Variants in COL6A2 observed in about 807,000 individuals in gnomAD.
COL6A2 encodes collagen type VI alpha 2 chain.
Under a neutral mutation model 124.9 loss-of-function variants are expected in COL6A2, and 90 were observed. The observed-to-expected ratio is 0.72, with a 90% CI of 0.61 to 0.86. The LOEUF is 0.86. COL6A2 is among the 40% of genes least tolerant of loss of function. The pLI is 0.00. For missense variants in COL6A2, 1,607 were observed against 1,502.5 expected (o/e 1.07, Z -1.15); for synonymous variants, 793 against 618.2 (o/e 1.28, Z -4.19).
intron 1 of COL6A2, among the ~76,000 whole-genome samples, chr21:46,110,030 C>G (rs1281486170): frequency 1.3e-5 from 2 of 152,344 alleles, no homozygotes; most frequent in African/African-American, 4.8e-5. Context: ...ATCCCCGGCT[C>G]CTGCTGGCTC....
Position 46,122,095 on chromosome 21 carries a change from C to T in COL6A2, c.1522-13C>T, listed in dbSNP as rs748486633. On this transcript the variant is annotated splice_polypyrimidine_tract_variant and intron_variant, in intron 18 of 27. Coordinates refer to ENST00000300527, the MANE Select transcript of COL6A2 (RefSeq NM_001849.4). ...CCTATGACCATGCTGACCGACTCAA[C>T]GTCCTCCTCCAGGGAGACCCCGGCA... 15 of 1,612,478 alleles carry T rather than the reference C, an allele frequency of 9.3e-6. No individual in the cohort carries two copies. The highest frequency in any genetic ancestry group is 6.7e-5 in the East Asian group (3 of 44,874).
intron 5 of COL6A2, among the ~76,000 whole-genome samples, chr21:46,114,277 T>G (rs1369607949): frequency 6.6e-6 from 1 of 151,884 alleles, no homozygotes; most frequent in Non-Finnish European, 1.5e-5. Context: ...ATACAAAAAT[T>G]AGCCGGGCGT....
intron 27 of COL6A2, chr21:46,129,657 C>T: frequency 1.4e-6 from 2 of 1,423,682 alleles, no homozygotes; most frequent in Non-Finnish European, 1.8e-6. Context: ...TCTTCCCATG[C>T]TGGTGGCCAC....
In COL6A2 at chr21:46,126,116, C is replaced by T. The variant is rs138371054; in HGVS notation, c.2301C>T (p.His767=). ...TCGGGGACATGTTCCACGAGAAGCA[C>T]GAGAGTGAAAACCTCTACTCCATCG... ...IGIGDMFHEK[H]ESENLYSIAC... is the part of the protein sequence containing the mutation. Residue 767 remains histidine (H), a synonymous_variant, in exon 26 of 28, where the codon CAC becomes CAT. Transcript: ENST00000300527. 121 of 1,612,512 alleles carry T rather than the reference C, an allele frequency of 7.5e-5. No individual in the cohort carries two copies. In the African/African-American group the frequency reaches 1.1e-3, roughly 15 times the overall value.
chr21:46,101,751 C>T (rs2078289079), intron 1 of COL6A2, among the ~76,000 whole-genome samples: 1 of 149,886 alleles, frequency 6.7e-6, no homozygotes, highest in South Asian at 2.1e-4. Context: ...GTATGTCTGT[C>T]TTTATGCCAG....
chr21:46,124,355 G>A (rs1236064016), intron 21 of COL6A2, among the ~76,000 whole-genome samples: 1 of 152,150 alleles, frequency 6.6e-6, no homozygotes, highest in Non-Finnish European at 1.5e-5. Context: ...TGATAATGGG[G>A]TGGAATACCC....
rs747625289 is a variant in COL6A2 at position 46,112,517 on chromosome 21, C to T, written c.654C>T (p.Thr218=). Residue 218 remains threonine (T), a synonymous_variant, in exon 3 of 28, where the codon ACC becomes ACT. Coordinates refer to ENST00000300527, the MANE Select transcript of COL6A2 (RefSeq NM_001849.4). Reference sequence around the variant, plus strand: ...AGCTCTACCGCAACGACTACGCCACCATGCTGCCCGACTCCACCGAGATCG... The same window carrying T: ...AGCTCTACCGCAACGACTACGCCACTATGCTGCCCGACTCCACCGAGATCG... The part of the protein sequence containing the change: ...PHELYRNDYA[T]MLPDSTEIDQ... 4 of 1,608,154 alleles carry T rather than the reference C, an allele frequency of 2.5e-6. No homozygotes were observed. The highest frequency in any genetic ancestry group is 1.3e-5 in the African/African-American group (1 of 74,342).
intron 10 of COL6A2, 103 bp from the exon 11 acceptor site, chr21:46,117,297 T>C: frequency 8.4e-7 from 1 of 1,192,222 alleles, no homozygotes; most frequent in Non-Finnish European, 1.2e-6. Context: ...AGGAGAGCGC[T>C]GCAGCCCTGC....
chr21:46,099,025 C>G (rs2123584244), intron 1 of COL6A2: 1 of 152,486 alleles, frequency 6.6e-6, no homozygotes, highest in South Asian at 2.1e-4. Flanking sequence ...CTAGGACGCC[C>G]CTGGAGAAGG....
At chr21:46,120,832 C>G (rs1386038075) in intron 16 of COL6A2, among the ~76,000 whole-genome samples, 1 of 152,104 alleles carries the variant, frequency 6.6e-6, no homozygotes, top group African/African-American at 2.4e-5. Flanking sequence ...GGGCTGCAAC[C>G]CAAGATAGGG....
intron 15 of COL6A2, 116 bp from the exon 16 acceptor site, chr21:46,120,399 C>T (rs891923773): frequency 1.4e-4 from 106 of 773,754 alleles, no homozygotes; most frequent in Middle Eastern, 3.7e-4. Context: ...CCGGGACAGA[C>T]GGGGTTCTTC....
At position 46,116,108 on chromosome 21, in the gene COL6A2, G is replaced by T; in HGVS notation, c.900+55G>T. 1.3e-6 allele frequency: 2 copies of T among 1,530,318 alleles called. No homozygotes were observed. The highest frequency in any genetic ancestry group is 1.8e-6 in the Non-Finnish European group (2 of 1,128,670). 94.8% of individuals were successfully genotyped at this position (1,530,318 alleles called of 1,614,324 possible). ...CACCCTGAGGCCCCAGCACTGCCAG[G>T]CAGGCTCCCCCCAGCCCAGCCTCGG... On this transcript the variant is annotated intron_variant, in intron 7 of 27. Transcript: ENST00000300527. This position sits in a 1 kb window ranked among gnomAD's most constrained non-coding sequence, Gnocchi z 4.6.
intron 21 of COL6A2, among the ~76,000 whole-genome samples, chr21:46,123,929 G>T (rs932438343): frequency 6.6e-6 from 1 of 150,532 alleles, no homozygotes; most frequent in Non-Finnish European, 1.5e-5. Context: ...AGGATGGATG[G>T]TTGGGTAGGT....
intron 16 of COL6A2, 48 bp from the exon 17 acceptor site, chr21:46,121,013 G>A (rs2078557439): frequency 4.5e-6 from 7 of 1,566,074 alleles, no homozygotes; most frequent in African/African-American, 1.4e-5. Flanking sequence ...GGACTCCAGG[G>A]TGCTGCTGTC....
chr21:46,118,122 G>A (rs2078505077), intron 12 of COL6A2, among the ~76,000 whole-genome samples, 186 bp downstream of exon 12: 1 of 152,084 alleles, frequency 6.6e-6, no homozygotes. Flanking sequence ...TCTAACCAGG[G>A]CTTGGGCGGC....
At chr21:46,129,644 G>A in intron 27 of COL6A2, 1 of 1,425,612 alleles carries the variant, frequency 7.0e-7, no homozygotes, top group Non-Finnish European at 9.1e-7. Context: ...GCAGCTCCCA[G>A]CCTCTTCCCA....
At chr21:46,114,107 T>TA (rs1375005968) in intron 5 of COL6A2, 34 bp downstream of exon 5, 2 of 1,563,032 alleles carry the variant, frequency 1.3e-6, no homozygotes, top group African/African-American at 2.7e-5. Context: ...GGGTCTGCGC[T>TA]ACCAGGAAGC....
chr21:46,103,122 T>C (rs1416675629), intron 1 of COL6A2, among the ~76,000 whole-genome samples: 1 of 152,204 alleles, frequency 6.6e-6, no homozygotes. Context: ...AGATTTTCTA[T>C]TTCTTCATGA....
At position 46,132,032 on chromosome 21, in the gene COL6A2, A is replaced by G. The variant is rs2078766950; in HGVS notation, c.2540A>G (p.Gln847Arg). 6.2e-7 allele frequency: 1 copy of G among 1,608,696 alleles called. No individual in the cohort carries two copies. Among genetic ancestry groups the G allele is most frequent in the Non-Finnish European group, 8.5e-7 (1 of 1,179,304 alleles). The change falls in exon 28 of 28, where the codon CAG (glutamine) becomes CGG (arginine). Residue 847 changes from glutamine to arginine, a missense_variant. Gln to Arg is a conservative substitution (Grantham distance 43). This residue lies in a region of COL6A2 where 1,223 missense variants were observed against 1,052.2 expected (regional missense o/e 1.16). Transcript: ENST00000300527. ...GACGGCTCCGAGCGGCTGGGTGAGCAGAACTTCCACAAGGCCCGGCGCTTC... is the reference window on the plus strand; with the variant it reads ...GACGGCTCCGAGCGGCTGGGTGAGCGGAACTTCCACAAGGCCCGGCGCTTC... ...LLDGSERLGE[Q>R]NFHKARRFVE...
Sources: gnomAD v4.1 joint callset for allele counts (sites outside exome capture counted in the v4.1 genomes callset) on GRCh38, gnomAD v4.1.1 for gene constraint, gnomAD v4.1.1 regional missense constraint, Gnocchi (gnomAD v3.1) non-coding constraint, MANE v1.5 for transcripts, NCBI Gene and HGNC (gene_info 2026-07-23, HGNC 2026-07-21) for gene names.